STARD13: variants seen among roughly 807,000 people sequenced by gnomAD.
The protein encoded by STARD13 is stAR-related lipid transfer protein 13.
STARD13 carries 62 observed loss-of-function variants against 106.4 expected under a neutral mutation model. That is an observed-to-expected ratio of 0.58 (90% confidence interval 0.48 to 0.72). STARD13 has a LOEUF of 0.72. Among genes scored for constraint, STARD13 ranks in the 30% least tolerant of loss-of-function variants. The pLI, the probability that STARD13 is intolerant of heterozygous loss-of-function variation, is 0.00. For synonymous variants in STARD13, 565 were observed against 553.0 expected, an observed-to-expected ratio of 1.02 and a Z score of -0.31; for missense variants, 1,387 against 1,424.0, an observed-to-expected ratio of 0.97 and a Z score of 0.42.
At chr13:33,149,761 C>A (rs140746588) in intron 3 of STARD13, among the ~76,000 whole-genome samples, 1 of 152,298 alleles carries the variant, frequency 6.6e-6, no homozygotes, top group East Asian at 1.9e-4. Context: ...CAGATGTAAA[C>A]GCCTCTTTAA....
the STARD13 span, among the ~76,000 whole-genome samples, chr13:33,434,711 G>A: frequency 3.3e-5 from 5 of 152,088 alleles, no homozygotes; most frequent in South Asian, 2.1e-4. Context: ...CTGCATATAC[G>A]TTTCTTGGTG....
the STARD13 span, among the ~76,000 whole-genome samples, chr13:33,482,573 A>G: frequency 6.6e-6 from 1 of 152,202 alleles, no homozygotes; most frequent in African/African-American, 2.4e-5. Context: ...GTGTTTAACA[A>G]TTATTTGTTG....
At chr13:33,317,233 A>C (rs1893375791) in intron 1 of STARD13, among the ~76,000 whole-genome samples, 1 of 152,090 alleles carries the variant, frequency 6.6e-6, no homozygotes. Flanking sequence ...CTGAATCTCT[A>C]ATATGTCCCA....
At chr13:33,278,561 A>C (rs1295554446) in intron 1 of STARD13, 1 of 152,144 alleles carries the variant, frequency 6.6e-6, no homozygotes, top group Admixed American at 6.5e-5. Flanking sequence ...ACCATTCACT[A>C]TAGCTTGCAG....
At chr13:33,549,785 A>T in the STARD13 span, among the ~76,000 whole-genome samples, 1 of 152,150 alleles carries the variant, frequency 6.6e-6, no homozygotes, top group African/African-American at 2.4e-5. Context: ...GAGGTCAGAC[A>T]TTATTTTTTT....
At chr13:33,121,608 T>C (rs1351315669) in intron 7 of STARD13, among the ~76,000 whole-genome samples, 1 of 151,130 alleles carries the variant, frequency 6.6e-6, no homozygotes, top group African/African-American at 2.4e-5. Flanking sequence ...GGATTTGATC[T>C]GAATTTTTGA....
At chr13:33,142,469 G>T (rs764692458) in intron 3 of STARD13, 96 bp from the exon 4 acceptor site, 32 of 1,107,072 alleles carry the variant, frequency 2.9e-5, no homozygotes, top group African/African-American at 4.6e-5. Context: ...AGTTGAAACT[G>T]CAGGAACAAC....
the STARD13 span, among the ~76,000 whole-genome samples, chr13:33,549,179 T>G: frequency 6.6e-6 from 1 of 152,138 alleles, no homozygotes; most frequent in Admixed American, 6.5e-5. Context: ...ATCTATTGAG[T>G]TTTTTTGGTT....
chr13:33,307,776 AC>A (rs1892967515), intron 1 of STARD13, among the ~76,000 whole-genome samples: 1 of 152,228 alleles, frequency 6.6e-6, no homozygotes, highest in African/African-American at 2.4e-5. Context: ...TACCCATATA[AC>A]AAATCTACAT....
chr13:33,645,996 G>A, the STARD13 span, among the ~76,000 whole-genome samples: 1 of 111,304 alleles, frequency 9.0e-6, no homozygotes, highest in East Asian at 2.9e-4. Context: ...AGTAATAAGG[G>A]ACACACGGAC....
At chr13:33,464,616 G>A in the STARD13 span, among the ~76,000 whole-genome samples, 45,311 of 151,834 alleles carry the variant, frequency 0.3, 7,496 homozygotes, top group Non-Finnish European at 0.39. Flanking sequence ...TTAGGAGGCC[G>A]AGGGGGGCAG....
chr13:33,320,204 C>T (rs1893504110), intron 1 of STARD13, among the ~76,000 whole-genome samples: 1 of 152,190 alleles, frequency 6.6e-6, no homozygotes, highest in Admixed American at 6.5e-5. Context: ...TCTCCTGCTC[C>T]TTACAGAAAG....
chr13:33,543,949 A>G, the STARD13 span, among the ~76,000 whole-genome samples: 12 of 152,242 alleles, frequency 7.9e-5, no homozygotes, highest in African/African-American at 2.4e-4. Context: ...GTGGATGGGA[A>G]GTAGTAAACT....
chr13:33,336,889 C>G (rs930127525), intron 1 of STARD13, among the ~76,000 whole-genome samples: 1 of 151,748 alleles, frequency 6.6e-6, no homozygotes, highest in Non-Finnish European at 1.5e-5. Flanking sequence ...CCAGAAATAT[C>G]AGGTTGGTGA....
At chr13:33,242,712 T>A (rs1163766183) in intron 1 of STARD13, among the ~76,000 whole-genome samples, 1 of 147,004 alleles carries the variant, frequency 6.8e-6, no homozygotes, top group Non-Finnish European at 1.5e-5. Context: ...CCCTGCCAAA[T>A]CCCCCTCTCC....
chr13:33,154,515 G>A (rs1004191765), intron 3 of STARD13, among the ~76,000 whole-genome samples: 3 of 152,164 alleles, frequency 2.0e-5, no homozygotes, highest in African/African-American at 7.2e-5. Flanking sequence ...GAAAATAAAT[G>A]TAAATAAGCT....
chr13:33,462,926 G>C, the STARD13 span, among the ~76,000 whole-genome samples: 73,720 of 151,960 alleles, frequency 0.49, 18,136 homozygotes, highest in African/African-American at 0.56. Flanking sequence ...AGTTGACACC[G>C]GATCACTCAA....
intron 1 of STARD13, among the ~76,000 whole-genome samples, chr13:33,197,909 G>A (rs1229442389): frequency 6.6e-6 from 1 of 152,164 alleles, no homozygotes; most frequent in East Asian, 1.9e-4. Flanking sequence ...GGTGGCTCAC[G>A]CCTGCAATCC....
chr13:33,450,725 T>C, the STARD13 span, among the ~76,000 whole-genome samples: 1 of 152,290 alleles, frequency 6.6e-6, no homozygotes, highest in East Asian at 1.9e-4. Flanking sequence ...AGGGGAGGTT[T>C]ACAGATAGTA....
Sources: allele counts gnomAD v4.1 joint callset (sites outside exome capture counted in the v4.1 genomes callset), GRCh38; gene constraint gnomAD v4.1.1; transcripts MANE v1.5; gene names NCBI Gene and HGNC (gene_info 2026-07-23, HGNC 2026-07-21).